Variants in HDAC9 observed in about 807,000 individuals in gnomAD.
HDAC9 encodes the protein histone deacetylase 9.
In HDAC9, 41 loss-of-function variants were observed where a neutral mutation model predicts 139.4. The observed-to-expected ratio is 0.29, with a 90% CI of 0.23 to 0.38. The LOEUF (loss-of-function observed/expected upper bound fraction) is 0.38. Ranked by LOEUF, HDAC9 falls within the 10% of genes least tolerant of loss-of-function variation. The pLI is 1.00. For missense variants in HDAC9, 1,147 were observed against 1,297.0 expected (o/e 0.88, Z 1.78); for synonymous variants, 517 against 476.2 (o/e 1.09, Z -1.12).
At chr7:18,415,786 C>G (rs1788993392) in intron 1 of HDAC9, among the ~76,000 whole-genome samples, 1 of 152,104 alleles carries the variant, frequency 6.6e-6, no homozygotes, top group African/African-American at 2.4e-5. Context: ...TCTGAAATAA[C>G]TGAGTATCTA....
At chr7:18,166,403 G>C (rs112269893) in intron 2 of HDAC9, among the ~76,000 whole-genome samples, 2 of 152,084 alleles carry the variant, frequency 1.3e-5, no homozygotes, top group African/African-American at 2.4e-5. Flanking sequence ...TCATTTTCTC[G>C]TATTCTATTC....
intron 15 of HDAC9, among the ~76,000 whole-genome samples, chr7:18,765,566 C>G (rs1323791876): frequency 6.6e-6 from 1 of 152,050 alleles, no homozygotes; most frequent in Non-Finnish European, 1.5e-5. Flanking sequence ...GATTGCACCA[C>G]TGCACTCTAG....
intron 12 of HDAC9, among the ~76,000 whole-genome samples, chr7:18,726,540 A>G (rs1436320651): frequency 6.6e-6 from 1 of 152,164 alleles, no homozygotes; most frequent in Non-Finnish European, 1.5e-5. Context: ...TTCTTTATCC[A>G]TGGCAAGAGA....
Position 18,988,152 on chromosome 7 carries a change from G to A in HDAC9, c.3171-7871G>A, listed in dbSNP as rs537163764. ...CTTTTCTAGTTCTTTTAATTGTGAT[G>A]TTAGGGTGTCAATTTTGGATCTTTC... On this transcript the variant is annotated intron_variant, in intron 25 of 25. Transcript: ENST00000686413. 6.8e-3 allele frequency among the ~76,000 whole-genome samples: 1,031 copies of A among 152,222 alleles called. 3 individuals are homozygous for A. The highest frequency in any genetic ancestry group is 9.5e-3 in the Non-Finnish European group (646 of 67,996).
chr7:18,726,646 G>C (rs953614049), intron 12 of HDAC9, among the ~76,000 whole-genome samples: 2 of 151,360 alleles, frequency 1.3e-5, no homozygotes, highest in African/African-American at 4.8e-5. Context: ...TCATGTTGAA[G>C]ATAAAATATT....
intron 1 of HDAC9, among the ~76,000 whole-genome samples, chr7:18,402,779 A>G (rs1257233559): frequency 6.6e-6 from 1 of 152,202 alleles, no homozygotes; most frequent in African/African-American, 2.4e-5. Flanking sequence ...GGTTGCTTTC[A>G]GGCACTTCTT....
chr7:18,559,931 C>T (rs193298143), intron 2 of HDAC9, among the ~76,000 whole-genome samples: 1 of 152,218 alleles, frequency 6.6e-6, no homozygotes, highest in Admixed American at 6.5e-5. Flanking sequence ...GACCCAAATC[C>T]TAAAGTCTTC....
intron 2 of HDAC9, among the ~76,000 whole-genome samples, chr7:18,575,117 A>G (rs1444694601): frequency 6.6e-6 from 1 of 152,236 alleles, no homozygotes; most frequent in Non-Finnish European, 1.5e-5. Context: ...ATTTTTGGTG[A>G]TAGCAAATTC....
chr7:18,410,116 C>A (rs191510975), intron 1 of HDAC9, among the ~76,000 whole-genome samples: 27 of 152,094 alleles, frequency 1.8e-4, no homozygotes, highest in Non-Finnish European at 3.7e-4. Context: ...TTTCTTCACT[C>A]TCTTGGTAAA....
At chr7:18,802,715 A>G (rs532136665) in intron 17 of HDAC9, among the ~76,000 whole-genome samples, 7 of 151,862 alleles carry the variant, frequency 4.6e-5, no homozygotes, top group African/African-American at 1.7e-4. Context: ...TAAGACTATT[A>G]TATGCTTATA....
chr7:18,415,218 A>T (rs183722157), intron 1 of HDAC9, among the ~76,000 whole-genome samples: 1 of 152,158 alleles, frequency 6.6e-6, no homozygotes, highest in Non-Finnish European at 1.5e-5. Context: ...ATAGACTGTG[A>T]TGTAGTTCTC....
chr7:18,980,468 T>G (rs1784831615), intron 25 of HDAC9, among the ~76,000 whole-genome samples: 1 of 152,208 alleles, frequency 6.6e-6, no homozygotes, highest in South Asian at 2.1e-4. Context: ...TTAATCTCTC[T>G]GAGTTTAATT....
chr7:18,544,767 T>C (rs1814219176), intron 2 of HDAC9, among the ~76,000 whole-genome samples: 1 of 152,168 alleles, frequency 6.6e-6, no homozygotes, highest in East Asian at 1.9e-4. Context: ...GTCAAATACA[T>C]AAAGAATTTA....
chr7:18,826,872 C>T (rs1277428841), intron 17 of HDAC9, among the ~76,000 whole-genome samples: 3 of 150,220 alleles, frequency 2.0e-5, no homozygotes, highest in Admixed American at 6.6e-5. Context: ...TGGTAAGACC[C>T]ATTAACATCT....
intron 17 of HDAC9, among the ~76,000 whole-genome samples, chr7:18,821,901 A>G (rs1371671738): frequency 6.6e-6 from 1 of 152,170 alleles, no homozygotes; most frequent in East Asian, 1.9e-4. Context: ...CAGTTTACCT[A>G]CTAGATTACT....
intron 6 of HDAC9, among the ~76,000 whole-genome samples, chr7:18,602,605 C>T (rs73315009): frequency 0.026 from 4,021 of 152,062 alleles, 182 homozygotes; most frequent in African/African-American, 0.092. Context: ...CCTCTAGGCA[C>T]TGCTTTTACA....
chr7:18,451,942 T>G (rs182697572), intron 1 of HDAC9, among the ~76,000 whole-genome samples: 9 of 152,242 alleles, frequency 5.9e-5, no homozygotes, highest in Admixed American at 2.0e-4. Flanking sequence ...TCTGCCCCAG[T>G]TCAGCCATCG....
chr7:18,435,196 C>G (rs1048206572), intron 1 of HDAC9, among the ~76,000 whole-genome samples: 8 of 151,680 alleles, frequency 5.3e-5, no homozygotes, highest in Non-Finnish European at 1.2e-4. Context: ...TACTTGGGAG[C>G]TAAACATAGA....
chr7:18,327,707 A>G (rs1232001375), intron 1 of HDAC9: 3 of 151,958 alleles, frequency 2.0e-5, no homozygotes, highest in African/African-American at 4.8e-5. Context: ...TGAAGAGCCT[A>G]TACCAACCAA....
Sources: allele counts gnomAD v4.1 joint callset (sites outside exome capture counted in the v4.1 genomes callset), GRCh38; gene constraint gnomAD v4.1.1; transcripts MANE v1.5; gene names NCBI Gene and HGNC (gene_info 2026-07-23, HGNC 2026-07-21).